MYO7B: variants seen among roughly 807,000 people sequenced by gnomAD.
MYO7B encodes the protein unconventional myosin-VIIb.
In MYO7B, 212 loss-of-function variants were observed where a neutral mutation model predicts 259.7. That is an observed-to-expected ratio of 0.82 (90% confidence interval 0.73 to 0.91). The LOEUF is 0.91. Among genes scored for constraint, MYO7B ranks in the 40% least tolerant of loss-of-function variants. The probability of loss-of-function intolerance (pLI) is 0.00; values close to 1 mark genes in which losing one functional copy is unlikely to be tolerated. For missense variants in MYO7B, 2,732 were observed against 2,813.5 expected (o/e 0.97, Z 0.66); for synonymous variants, 1,197 against 1,166.4 (o/e 1.03, Z -0.54).
At chr2:127,579,878 G>A (rs572919849) in intron 9 of MYO7B, among the ~76,000 whole-genome samples, 49 of 152,250 alleles carry the variant, frequency 3.2e-4, no homozygotes, top group Non-Finnish European at 5.0e-4. Flanking sequence ...AAGCCACTGC[G>A]CCTGGCCCAC....
Position 127,592,804 on chromosome 2 carries a change from G to C in MYO7B, c.2003G>C (p.Arg668Pro), listed in dbSNP as rs936305918. ...NEYKKPLLFD[R>P]ELCLRQLRYS... The stretch of plus-strand genomic sequence containing the variant: ...GGTGTCCGCCCACAGCTGTTCGACC[G>C]GGAGCTGTGCCTGCGGCAGCTGCGA... Residue 668 changes from arginine to proline, a missense_variant, in exon 17 of 48, where the codon CGG becomes CCG. This residue lies in a region of MYO7B where 1,906 missense variants were observed against 2,026.4 expected (regional missense o/e 0.94). Transcript: ENST00000409816. 7 of 1,610,052 alleles carry C rather than the reference G, an allele frequency of 4.3e-6. No individual in the cohort carries two copies. The South Asian group carries it at 4.4e-5, about 10-fold the overall frequency.
In MYO7B at chr2:127,609,008, C is replaced by A; in HGVS notation, c.2814+130C>A. The A allele has an allele frequency of 8.1e-7, 1 of 1,237,624 alleles. No homozygotes were observed. Among genetic ancestry groups the A allele is most frequent in the Non-Finnish European group, 1.1e-6 (1 of 898,892 alleles). 76.7% of individuals were successfully genotyped at this position (1,237,624 alleles called of 1,614,324 possible). A position where few individuals can be genotyped will look rare whatever the true frequency, so the allele number is the denominator to read the frequency against. ...TGGCCAAGTGTGTGCTGCAGCCCTG[C>A]TGGTCCCACACGGAAGAGGGGAGCG... On this transcript the variant is annotated intron_variant, in intron 22 of 47. Coordinates refer to ENST00000409816, the MANE Select transcript of MYO7B (RefSeq NM_001393586.1). This position sits in a 1 kb window ranked among gnomAD's most constrained non-coding sequence, Gnocchi z 6.9.
rs976752907 is a variant in MYO7B, at chr2:127,607,088, T to C, written c.2425-118T>C. ...GTGTGTACCATTCTAGCACCGGCCC[T>C]TTGCCAAAACAAAACTAACTGTAAA... On this transcript the variant is annotated intron_variant, in intron 20 of 47. Coordinates refer to ENST00000409816, the MANE Select transcript of MYO7B (RefSeq NM_001393586.1). This position sits in a 1 kb window ranked among gnomAD's most constrained non-coding sequence, Gnocchi z 4.4. 10 of 982,452 alleles carry C rather than the reference T, an allele frequency of 1.0e-5. No individual in the cohort carries two copies. In the African/African-American group the frequency reaches 1.3e-4, roughly 13 times the overall value. 60.9% of individuals were successfully genotyped at this position (982,452 alleles called of 1,614,324 possible).
chr2:127,544,017 T>C (rs1454118387), intron 1 of MYO7B, among the ~76,000 whole-genome samples: 1 of 152,134 alleles, frequency 6.6e-6, no homozygotes, highest in Admixed American at 6.6e-5. Flanking sequence ...GTGATCTGCC[T>C]GCCTCGGCCT....
chr2:127,616,388 G>A (rs926621690), intron 26 of MYO7B, among the ~76,000 whole-genome samples: 2 of 152,050 alleles, frequency 1.3e-5, no homozygotes, highest in East Asian at 1.9e-4. Flanking sequence ...TGACCTCCTC[G>A]CTTCTTCTTA....
intron 2 of MYO7B, among the ~76,000 whole-genome samples, chr2:127,562,846 C>T (rs545317481): frequency 6.6e-6 from 1 of 152,292 alleles, no homozygotes; most frequent in Non-Finnish European, 1.5e-5. Flanking sequence ...TGGTCTCAAA[C>T]TCCTGGCCTG....
In MYO7B at chr2:127,576,606, G is replaced by T. The variant is rs1281747586; in HGVS notation, c.747G>T (p.Glu249Asp). 7.5e-6 allele frequency: 12 copies of T among 1,600,816 alleles called. No homozygotes were observed. The highest frequency in any genetic ancestry group is 1.7e-4 in the Middle Eastern group (1 of 6,054). ...KSRVCRQAPE[E>D]RNYHIFYCML... ...TCCCTCCCTCCCAGGCTCCCGAGGA[G>T]CGGAACTACCATATCTTCTACTGCA... The change falls in exon 8 of 48, where the codon GAG becomes GAT. Residue 249 changes from glutamate (E) to aspartate (D), a missense_variant. This residue lies in a region of MYO7B where 1,906 missense variants were observed against 2,026.4 expected (regional missense o/e 0.94). Coordinates refer to ENST00000409816, the MANE Select transcript of MYO7B (RefSeq NM_001393586.1). This position sits in a 1 kb window ranked among gnomAD's most constrained non-coding sequence, Gnocchi z 4.9.
In MYO7B at chr2:127,604,861, T is replaced by C. The variant is rs931856917; in HGVS notation, c.2340-983T>C. Among the ~76,000 whole-genome samples the C allele has an allele frequency of 3.1e-4, 47 of 152,144 alleles. 1 individual carries two copies. Among genetic ancestry groups the C allele is most frequent in the African/African-American group, 1.1e-3 (45 of 41,432 alleles). On this transcript the variant is annotated intron_variant, in intron 19 of 47. Transcript: ENST00000409816. Reference sequence around the variant, plus strand: ...TGCAGTTTGTGGTGCCCCAAAACAATTCCAATTGTAACACTAAAGATCACA... The same window carrying C: ...TGCAGTTTGTGGTGCCCCAAAACAACTCCAATTGTAACACTAAAGATCACA...
At position 127,540,763 on chromosome 2, in the gene MYO7B, A is replaced by G. The variant is rs551316736; in HGVS notation, c.-24+4932A>G. Reference sequence around the variant, plus strand: ...TTTTCAAAGGCTATCTCTACAGTAGAGGAAAGTTTCTCATGGCCTACCTCT... The same window carrying G: ...TTTTCAAAGGCTATCTCTACAGTAGGGGAAAGTTTCTCATGGCCTACCTCT... On this transcript the variant is annotated intron_variant, in intron 1 of 47. Transcript: ENST00000409816. Among the ~76,000 whole-genome samples the G allele has an allele frequency of 1.6e-4, 24 of 152,332 alleles. 1 individual carries two copies. In the East Asian group the frequency reaches 4.6e-3, roughly 29 times the overall value.
chr2:127,619,328 G>C (rs1211546198), intron 26 of MYO7B, among the ~76,000 whole-genome samples: 1 of 121,536 alleles, frequency 8.2e-6, no homozygotes, highest in East Asian at 2.7e-4. Flanking sequence ...TGGGTTGTGG[G>C]GGCTGGATGG....
At chr2:127,551,820 T>C (rs1374814612) in intron 1 of MYO7B, among the ~76,000 whole-genome samples, 1 of 152,136 alleles carries the variant, frequency 6.6e-6, no homozygotes, top group Non-Finnish European at 1.5e-5. Flanking sequence ...GTCAAGGTGT[T>C]CTGCGGAGTG....
chr2:127,564,351 C>T (rs566833554), intron 3 of MYO7B, 85 bp downstream of exon 3: 16 of 1,128,484 alleles, frequency 1.4e-5, no homozygotes, highest in Non-Finnish European at 2.0e-5. Context: ...GGAGCCTCTC[C>T]CCAACACCAG....
Position 127,564,197 on chromosome 2 carries a change from C to T in MYO7B, c.63C>T (p.Gly21=), listed in dbSNP as rs1229056943. Residue 21 remains glycine, a synonymous_variant, in exon 3 of 48, where the codon GGC becomes GGT. Coordinates refer to ENST00000409816, the MANE Select transcript of MYO7B (RefSeq NM_001393586.1). The part of the protein sequence containing the change: ...WLEPPSTHKT[G]VAIGGIIKEA... ...AGCCTCCCTCCACCCACAAGACCGG[C>T]GTGGCCATCGGGGGCATCATCAAAG... 4.4e-6 allele frequency: 7 copies of T among 1,577,400 alleles called. No homozygotes were observed. The highest frequency in any genetic ancestry group is 5.2e-6 in the Non-Finnish European group (6 of 1,162,076).
rs781330877 is a variant in MYO7B, at chr2:127,627,194, G to C, written c.4344G>C (p.Leu1448=). 55 of 1,609,346 alleles carry C rather than the reference G, an allele frequency of 3.4e-5. 1 individual carries two copies. The South Asian group carries it at 6.1e-4, about 18-fold the overall frequency. The change falls in exon 33 of 48, where the codon CTG becomes CTC. Residue 1448 remains leucine (L), a synonymous_variant. Transcript: ENST00000409816. This position sits in a 1 kb window ranked among gnomAD's most constrained non-coding sequence, Gnocchi z 5.6. Reference sequence around the variant, plus strand: ...GTCTCTCCTGGCCAGGCCCCCGCCTGCCCAAGACGCAGCTGATCTTGGCTG... The same window carrying C: ...GTCTCTCCTGGCCAGGCCCCCGCCTCCCCAAGACGCAGCTGATCTTGGCTG... The part of the protein sequence containing the change: ...FEVITLSGPR[L]PKTQLILAVN...
At chr2:127,537,620 G>A (rs1474130095) in intron 1 of MYO7B, among the ~76,000 whole-genome samples, 2 of 152,050 alleles carry the variant, frequency 1.3e-5, no homozygotes, top group African/African-American at 4.8e-5. Context: ...AGGATTGCTT[G>A]AGCCCACAAC....
At chr2:127,557,807 C>T (rs1342616941) in intron 1 of MYO7B, among the ~76,000 whole-genome samples, 1 of 152,190 alleles carries the variant, frequency 6.6e-6, no homozygotes, top group East Asian at 1.9e-4. Context: ...GAGAGTGAAA[C>T]TGAATCCTCA....
In MYO7B at chr2:127,628,119, C is replaced by T; in HGVS notation, c.4461-253C>T. 1 of 650,356 alleles carries T rather than the reference C, an allele frequency of 1.5e-6. No homozygotes were observed. Among genetic ancestry groups the T allele is most frequent in the Non-Finnish European group, 2.8e-6 (1 of 352,152 alleles). 40.3% of individuals were successfully genotyped at this position (650,356 alleles called of 1,614,324 possible). Reference sequence around the variant, plus strand: ...TCCCTGCGGTGTCACTGCACACCAGCCACCTCATTATCTGCCCACAGCCAA... The same window carrying T: ...TCCCTGCGGTGTCACTGCACACCAGTCACCTCATTATCTGCCCACAGCCAA... On this transcript the variant is annotated intron_variant, in intron 33 of 47. Coordinates refer to ENST00000409816, the MANE Select transcript of MYO7B (RefSeq NM_001393586.1). This position sits in a 1 kb window ranked among gnomAD's most constrained non-coding sequence, Gnocchi z 4.8.
At chr2:127,575,146 C>T (rs972108951) in intron 7 of MYO7B, among the ~76,000 whole-genome samples, 2 of 152,164 alleles carry the variant, frequency 1.3e-5, no homozygotes, top group African/African-American at 4.8e-5. Context: ...AGTGACCCTC[C>T]GACCTGGTGC....
chr2:127,588,603 G>A (rs1382305495), intron 15 of MYO7B, 48 bp downstream of exon 15: 2 of 1,605,848 alleles, frequency 1.2e-6, no homozygotes, highest in Non-Finnish European at 1.7e-6. Context: ...GATGGCTACA[G>A]GGCCAGACAG....
Sources: allele counts gnomAD v4.1 joint callset (sites outside exome capture counted in the v4.1 genomes callset), GRCh38; gene constraint gnomAD v4.1.1; regional missense constraint gnomAD v4.1.1; non-coding constraint Gnocchi (gnomAD v3.1); transcripts MANE v1.5; gene names NCBI Gene and HGNC (gene_info 2026-07-23, HGNC 2026-07-21).